CEP170: variants seen among roughly 807,000 people sequenced by gnomAD.
CEP170 encodes centrosomal protein 170, also known as centrosomal protein of 170 kDa.
CEP170 carries 21 observed loss-of-function variants against 151.9 expected under a neutral mutation model. That is an observed-to-expected ratio of 0.14 (90% CI 0.10 to 0.20). CEP170 has a LOEUF of 0.20. Among genes scored for constraint, CEP170 ranks in the 10% least tolerant of loss-of-function variants. The pLI is 1.00. For synonymous variants in CEP170, 356 were observed against 648.8 expected (o/e 0.55, Z 6.86); for missense variants, 964 against 1,892.9 (o/e 0.51, Z 9.11).
At chr1:243,215,522 G>A (rs1392216732) in intron 3 of CEP170, among the ~76,000 whole-genome samples, 1 of 152,132 alleles carries the variant, frequency 6.6e-6, no homozygotes. Context: ...GATGAAATAA[G>A]CCCCAGTCTC....
chr1:243,249,164 G>A (rs1267715606), intron 1 of CEP170, among the ~76,000 whole-genome samples: 1 of 152,050 alleles, frequency 6.6e-6, no homozygotes, highest in Admixed American at 6.6e-5. Flanking sequence ...GGTGGTTCAT[G>A]CCTGTAATAC....
At chr1:243,195,462 T>C (rs2060583871) in intron 7 of CEP170, among the ~76,000 whole-genome samples, 1 of 151,996 alleles carries the variant, frequency 6.6e-6, no homozygotes, top group Non-Finnish European at 1.5e-5. Context: ...CCAGGGCTTT[T>C]TAAGCTATAT....
At chr1:243,130,259 G>A (rs888314297) in intron 17 of CEP170, among the ~76,000 whole-genome samples, 3 of 152,114 alleles carry the variant, frequency 2.0e-5, no homozygotes, top group South Asian at 2.1e-4. Context: ...GCACCTTATC[G>A]ATCAAGAAAA....
chr1:243,194,515 CA>C (rs1305930833), intron 7 of CEP170, among the ~76,000 whole-genome samples: 7 of 151,460 alleles, frequency 4.6e-5, no homozygotes, highest in Non-Finnish European at 2.9e-5. Flanking sequence ...GGTTAAACTT[CA>C]AAAAAACTAT....
intron 16 of CEP170, among the ~76,000 whole-genome samples, chr1:243,137,410 C>A (rs2055221526): frequency 6.6e-6 from 1 of 152,194 alleles, no homozygotes; most frequent in South Asian, 2.1e-4. Context: ...AATACGATTA[C>A]ATGTTTTATC....
intron 11 of CEP170, among the ~76,000 whole-genome samples, chr1:243,171,254 C>A (rs2058822960): frequency 6.6e-6 from 1 of 152,100 alleles, no homozygotes; most frequent in Admixed American, 6.5e-5. Context: ...AATAAAAATT[C>A]TCCCAATCAC....
intron 13 of CEP170, among the ~76,000 whole-genome samples, chr1:243,159,389 G>C (rs2057850543): frequency 1.3e-5 from 2 of 152,114 alleles, no homozygotes; most frequent in Admixed American, 1.3e-4. Context: ...GGAGTTCAAT[G>C]CTAGGCCCTC....
At chr1:243,254,506 G>T (rs577310711) in intron 1 of CEP170, 1 of 146,926 alleles carries the variant, frequency 6.8e-6, no homozygotes, top group South Asian at 2.4e-4. Flanking sequence ...GCGTCCAAAA[G>T]GTTGCTCGCC....
At position 243,150,465 on chromosome 1, in the gene CEP170, C is replaced by T. The variant is rs181608201; in HGVS notation, c.3911+5756G>A. ...CCGCCCAGCTGACACAGCTATTTAA[C>T]GATCACTTTAATATTAAAAAACAAA... On this transcript the variant is annotated intron_variant, in intron 14 of 19. Coordinates refer to ENST00000366542, the MANE Select transcript of CEP170 (RefSeq NM_014812.3). Among the ~76,000 whole-genome samples, 17 of 152,172 alleles carry T rather than the reference C, an allele frequency of 1.1e-4. No individual in the cohort carries two copies. In the East Asian group the frequency reaches 2.7e-3, roughly 24 times the overall value.
chr1:243,225,300 T>C lies in CEP170; in HGVS notation c.-20A>G, dbSNP rs2149012808. On this transcript the variant is annotated 5_prime_UTR_variant, in exon 2 of 20. Transcript: ENST00000366542. ...GCTCATTTTCTGCTTAGCTTCTAAG[T>C]CTTTGGCAAAGCTACGTCATCCTGA... The C allele has an allele frequency of 1.3e-6, 2 of 1,505,914 alleles. No homozygotes were observed. Among genetic ancestry groups the C allele is most frequent in the Non-Finnish European group, 9.0e-7 (1 of 1,111,100 alleles). The allele number at this position is 1,505,914 out of a possible 1,614,324, so 93.3% of individuals were successfully genotyped here. A position where few individuals can be genotyped will look rare whatever the true frequency, so the allele number is the denominator to read the frequency against.
At chr1:243,143,667 A>C (rs1179189916) in intron 14 of CEP170, among the ~76,000 whole-genome samples, 1 of 151,614 alleles carries the variant, frequency 6.6e-6, no homozygotes, top group Admixed American at 6.6e-5. Flanking sequence ...ACAGAATATT[A>C]TTAAAAGTAT....
chr1:243,222,067 AG>A (rs1434003167), intron 2 of CEP170, among the ~76,000 whole-genome samples: 2 of 152,252 alleles, frequency 1.3e-5, no homozygotes, highest in Admixed American at 6.5e-5. Flanking sequence ...AATTTACATC[AG>A]CTGACTTCGC....
intron 1 of CEP170, among the ~76,000 whole-genome samples, chr1:243,236,489 A>G (rs187948940): frequency 5.3e-5 from 8 of 152,314 alleles, no homozygotes; most frequent in African/African-American, 1.4e-4. Flanking sequence ...TTTGGCCACC[A>G]GCAGGCTCCA....
chr1:243,239,206 G>A (rs888736225), intron 1 of CEP170, among the ~76,000 whole-genome samples: 4 of 152,248 alleles, frequency 2.6e-5, no homozygotes, highest in Non-Finnish European at 5.9e-5. Flanking sequence ...TTCATCTAAC[G>A]AAATGTGCCT....
chr1:243,226,866 G>A (rs2063340941), intron 1 of CEP170, among the ~76,000 whole-genome samples: 1 of 152,128 alleles, frequency 6.6e-6, no homozygotes, highest in South Asian at 2.1e-4. Flanking sequence ...GTGTGCACCT[G>A]TAATCCCAGC....
intron 1 of CEP170, among the ~76,000 whole-genome samples, chr1:243,253,971 A>C (rs1448001767): frequency 6.6e-6 from 1 of 152,220 alleles, no homozygotes; most frequent in East Asian, 1.9e-4. Flanking sequence ...ACTTGCTTAA[A>C]AAATAAACGG....
rs541295453 is a variant in CEP170 at position 243,183,541 on chromosome 1, T to C, written c.1566+2238A>G. Among the ~76,000 whole-genome samples the C allele has an allele frequency of 2.3e-3, 356 of 152,304 alleles. 1 individual carries two copies. The highest frequency in any genetic ancestry group is 8.4e-3 in the African/African-American group (348 of 41,574). On this transcript the variant is annotated intron_variant, in intron 10 of 19. Transcript: ENST00000366542. ...CTTCATCTTACTCAGACATGATTAC[T>C]GCTTTTATGCTTTTGTTTTCCCAGA...
intron 1 of CEP170, among the ~76,000 whole-genome samples, chr1:243,230,565 A>G (rs896851029): frequency 4.6e-5 from 7 of 152,192 alleles, no homozygotes; most frequent in Non-Finnish European, 8.8e-5. Context: ...AAATTATGAA[A>G]CGGAACCAAA....
Position 243,165,989 on chromosome 1 carries a change from G to A in CEP170, c.1971C>T (p.Ser657=), listed in dbSNP as rs1442232858. 1.9e-6 allele frequency: 3 copies of A among 1,613,236 alleles called. No individual in the cohort carries two copies. The Admixed American group carries it at 5.0e-5, about 27-fold the overall frequency. The part of the protein sequence containing the change: ...QLPNEEKSLE[S]HRAKVVTQRS... ...TCTGTGTTACAACCTTTGCTCTGTG[G>A]CTCTCAAGAGACTTTTCTTCATTTG... The change falls in exon 13 of 20, where the codon AGC becomes AGT. Residue 657 remains serine, a synonymous_variant. Transcript: ENST00000366542.
Sources: gnomAD v4.1 joint callset for allele counts (sites outside exome capture counted in the v4.1 genomes callset) on GRCh38, gnomAD v4.1.1 for gene constraint, MANE v1.5 for transcripts, NCBI Gene and HGNC (gene_info 2026-07-23, HGNC 2026-07-21) for gene names.